Variants in ATRNL1 observed in about 807,000 individuals in gnomAD.
ATRNL1 encodes attractin like 1.
In ATRNL1, 95 loss-of-function variants were observed where a neutral mutation model predicts 182.7. That is an observed-to-expected ratio of 0.52 (90% CI 0.44 to 0.62). The LOEUF (loss-of-function observed/expected upper bound fraction) is 0.62, where lower values mean the gene tolerates loss of function less well. Among genes scored for constraint, ATRNL1 ranks in the 20% least tolerant of loss-of-function variants. ATRNL1 has a pLI of 0.00. For synonymous variants in ATRNL1, 576 were observed against 568.3 expected (o/e 1.01, Z -0.19); for missense variants, 1,471 against 1,679.5 (o/e 0.88, Z 2.17).
intron 18 of ATRNL1, among the ~76,000 whole-genome samples, chr10:115,330,691 T>C (rs1006388222): frequency 8.6e-5 from 12 of 139,382 alleles, no homozygotes; most frequent in South Asian, 4.8e-4. Flanking sequence ...TTTTTTTTTT[T>C]CTCATGCTGC....
intron 28 of ATRNL1, among the ~76,000 whole-genome samples, chr10:115,875,693 G>C (rs367919697): frequency 1.3e-5 from 2 of 152,274 alleles, no homozygotes; most frequent in East Asian, 3.9e-4. Flanking sequence ...ACTAGGTGTT[G>C]GCTGAGCAAA....
intron 26 of ATRNL1, among the ~76,000 whole-genome samples, chr10:115,673,434 C>T (rs577071270): frequency 6.6e-6 from 1 of 152,054 alleles, no homozygotes; most frequent in East Asian, 1.9e-4. Flanking sequence ...GTAAGGGTTG[C>T]TGAACTGCAA....
Position 115,727,251 on chromosome 10 carries a change from C to T in ATRNL1, c.3799C>T (p.Leu1267=). The T allele has an allele frequency of 1.2e-6, 2 of 1,613,286 alleles. No individual in the cohort carries two copies. Among genetic ancestry groups the T allele is most frequent in the Non-Finnish European group, 1.7e-6 (2 of 1,179,208 alleles). Residue 1267 remains leucine (L), a synonymous_variant, in exon 27 of 29, where the codon CTG becomes TTG. Transcript: ENST00000355044. ...AATCATTTTTAACCCCCTCCAGCAACTGCTTCGAGAACGACAGCAGATGGC... is the reference window on the plus strand; with the variant it reads ...AATCATTTTTAACCCCCTCCAGCAATTGCTTCGAGAACGACAGCAGATGGC... ...TCWASRRREQ[L]LRERQQMASR...
At chr10:115,357,549 A>G (rs1278141052) in intron 19 of ATRNL1, among the ~76,000 whole-genome samples, 1 of 151,720 alleles carries the variant, frequency 6.6e-6, no homozygotes, top group African/African-American at 2.4e-5. Context: ...CCTCCTTAAT[A>G]TATTATTTAG....
intron 24 of ATRNL1, among the ~76,000 whole-genome samples, chr10:115,497,200 C>G (rs782793642): frequency 2.6e-5 from 4 of 152,128 alleles, no homozygotes; most frequent in Admixed American, 6.6e-5. Flanking sequence ...GTGTGTTTTG[C>G]AACTCTATCA....
At chr10:115,239,312 A>T (rs1319356581) in intron 9 of ATRNL1, among the ~76,000 whole-genome samples, 2 of 151,874 alleles carry the variant, frequency 1.3e-5, no homozygotes, top group African/African-American at 2.4e-5. Context: ...AGCTCGCTGG[A>T]ACCTCTGCCT....
intron 28 of ATRNL1, among the ~76,000 whole-genome samples, chr10:115,856,547 C>T (rs1298283014): frequency 6.6e-6 from 1 of 151,490 alleles, no homozygotes; most frequent in Non-Finnish European, 1.5e-5. Flanking sequence ...CCTTTTGGCA[C>T]CAGGGACGGG....
chr10:115,700,501 A>G (rs1160860487), intron 26 of ATRNL1, among the ~76,000 whole-genome samples: 1 of 152,088 alleles, frequency 6.6e-6, no homozygotes, highest in Non-Finnish European at 1.5e-5. Context: ...TCTTCTTTTG[A>G]GAAGTGTCTG....
intron 19 of ATRNL1, among the ~76,000 whole-genome samples, chr10:115,336,093 G>T (rs1305912717): frequency 6.6e-6 from 1 of 152,112 alleles, no homozygotes; most frequent in Non-Finnish European, 1.5e-5. Context: ...AAACTGTATG[G>T]TATTACTTTG....
chr10:115,569,404 A>G (rs1854258193), intron 26 of ATRNL1, among the ~76,000 whole-genome samples: 1 of 152,162 alleles, frequency 6.6e-6, no homozygotes, highest in Admixed American at 6.5e-5. Flanking sequence ...TGGAAATTAT[A>G]TTTGTAATTT....
intron 28 of ATRNL1, among the ~76,000 whole-genome samples, chr10:115,935,212 G>T (rs1953519765): frequency 6.6e-6 from 1 of 152,076 alleles, no homozygotes; most frequent in African/African-American, 2.4e-5. Flanking sequence ...CTACAACACT[G>T]CCTGCAACAT....
chr10:115,673,594 C>A (rs1945768240), intron 26 of ATRNL1, among the ~76,000 whole-genome samples: 1 of 152,052 alleles, frequency 6.6e-6, no homozygotes, highest in Admixed American at 6.6e-5. Context: ...AGTTCAAGAA[C>A]TATATGCAAC....
chr10:115,295,721 A>T (rs1401165821), intron 15 of ATRNL1, among the ~76,000 whole-genome samples: 1 of 152,052 alleles, frequency 6.6e-6, no homozygotes, highest in Non-Finnish European at 1.5e-5. Flanking sequence ...CCTGTGTGGG[A>T]CTGCCAGAAC....
chr10:115,537,474 A>G (rs1852099059), intron 25 of ATRNL1, among the ~76,000 whole-genome samples: 1 of 152,218 alleles, frequency 6.6e-6, no homozygotes, highest in South Asian at 2.1e-4. Context: ...TTAATGACCT[A>G]CATGAACATC....
In ATRNL1 at chr10:115,127,676, T is replaced by G; in HGVS notation, c.575T>G (p.Phe192Cys). 1 of 1,576,408 alleles carries G rather than the reference T, an allele frequency of 6.3e-7. No individual in the cohort carries two copies. The highest frequency in any genetic ancestry group is 8.6e-7 in the Non-Finnish European group (1 of 1,165,778). Reference sequence around the variant, plus strand: ...TCTGGCTATGCACTGTTACATTTTTTTAGTGATGCTGCGTATAATCTAACT... The same window carrying G: ...TCTGGCTATGCACTGTTACATTTTTGTAGTGATGCTGCGTATAATCTAACT... Reference protein sequence around the residue: ...TTSGYALLHFFSDAAYNLTGF... With the variant: ...TTSGYALLHFCSDAAYNLTGF... The change falls in exon 4 of 29, where the codon TTT (phenylalanine) becomes TGT (cysteine). Residue 192 changes from phenylalanine to cysteine, a missense_variant. Transcript: ENST00000355044.
intron 27 of ATRNL1, among the ~76,000 whole-genome samples, chr10:115,803,963 G>T (rs527538556): frequency 6.6e-6 from 1 of 152,236 alleles, no homozygotes; most frequent in South Asian, 2.1e-4. Flanking sequence ...GTTATGCATT[G>T]TAAATGAACG....
chr10:115,368,065 C>T (rs1245001988), intron 19 of ATRNL1, among the ~76,000 whole-genome samples: 10 of 152,064 alleles, frequency 6.6e-5, no homozygotes, highest in African/African-American at 2.4e-4. Context: ...AGTTGGAGCT[C>T]CCTGGCTGCT....
chr10:115,866,808 C>T (rs782687229), intron 28 of ATRNL1, among the ~76,000 whole-genome samples: 5 of 152,122 alleles, frequency 3.3e-5, no homozygotes, highest in Non-Finnish European at 5.9e-5. Flanking sequence ...ATTCAAAGAT[C>T]AAACATGATT....
intron 26 of ATRNL1, chr10:115,597,852 A>G (rs1856353466): frequency 4.1e-6 from 1 of 241,348 alleles, no homozygotes; most frequent in Non-Finnish European, 8.4e-6. Context: ...GAACTCTTTA[A>G]ATTTAGACAT....
Sources: allele counts gnomAD v4.1 joint callset (sites outside exome capture counted in the v4.1 genomes callset), GRCh38; gene constraint gnomAD v4.1.1; transcripts MANE v1.5; gene names NCBI Gene and HGNC (gene_info 2026-07-23, HGNC 2026-07-21).